PKNOX2: variants seen among roughly 807,000 people sequenced by gnomAD.
PKNOX2 encodes homeobox protein PKNOX2.
In PKNOX2, 14 loss-of-function variants were observed where a neutral mutation model predicts 53.1. That is an observed-to-expected ratio of 0.26 (90% CI 0.17 to 0.41). The LOEUF (loss-of-function observed/expected upper bound fraction) is 0.41, where lower values mean the gene tolerates loss of function less well. Among genes scored for constraint, PKNOX2 ranks in the 10% least tolerant of loss-of-function variants. The probability of loss-of-function intolerance (pLI) is 1.00; values close to 1 mark genes in which losing one functional copy is unlikely to be tolerated. For missense variants in PKNOX2, 496 were observed against 602.8 expected (o/e 0.82, Z 1.85); for synonymous variants, 257 against 242.8 (o/e 1.06, Z -0.54).
At chr11:125,169,698 A>G (rs556885367) in intron 1 of PKNOX2, among the ~76,000 whole-genome samples, 14 of 152,100 alleles carry the variant, frequency 9.2e-5, no homozygotes, top group Non-Finnish European at 1.3e-4. Context: ...CGCTCTGAGT[A>G]AAAAAAATGG....
chr11:125,247,144 T>A (rs1943623864), intron 2 of PKNOX2, among the ~76,000 whole-genome samples: 1 of 152,216 alleles, frequency 6.6e-6, no homozygotes, highest in Admixed American at 6.5e-5. Context: ...TTCTTTGGAA[T>A]TGGCAGATCC....
At chr11:125,313,066 G>A (rs1222658170) in intron 2 of PKNOX2, among the ~76,000 whole-genome samples, 1 of 152,168 alleles carries the variant, frequency 6.6e-6, no homozygotes. Flanking sequence ...AGGGAGCTTA[G>A]ACAGCAGGGA....
intron 10 of PKNOX2, among the ~76,000 whole-genome samples, chr11:125,416,729 G>A (rs564360984): frequency 6.6e-6 from 1 of 152,198 alleles, no homozygotes; most frequent in South Asian, 2.1e-4. Context: ...TACAGAAGAA[G>A]TGGAAACAGC....
At chr11:125,223,380 C>T (rs1331042959) in intron 1 of PKNOX2, among the ~76,000 whole-genome samples, 1 of 152,168 alleles carries the variant, frequency 6.6e-6, no homozygotes, top group Non-Finnish European at 1.5e-5. Context: ...CAGGCACCCG[C>T]CACCATGCCC....
At chr11:125,337,165 T>C (rs961771909) in intron 3 of PKNOX2, among the ~76,000 whole-genome samples, 1 of 152,160 alleles carries the variant, frequency 6.6e-6, no homozygotes, top group African/African-American at 2.4e-5. Flanking sequence ...TTAAAACCAC[T>C]GTGGGCATGG....
At chr11:125,226,763 GT>G (rs961256621) in intron 1 of PKNOX2, among the ~76,000 whole-genome samples, 118 of 144,854 alleles carry the variant, frequency 8.1e-4, no homozygotes, top group East Asian at 2.4e-3. Flanking sequence ...CCCTCACCAG[GT>G]TTTTTTTTTT....
chr11:125,334,193 C>G (rs977265453), intron 3 of PKNOX2, among the ~76,000 whole-genome samples: 1 of 152,178 alleles, frequency 6.6e-6, no homozygotes, highest in African/African-American at 2.4e-5. Flanking sequence ...ATGCTAGGTC[C>G]TAGCCCATCT....
intron 5 of PKNOX2, among the ~76,000 whole-genome samples, chr11:125,381,659 C>A (rs1330632996): frequency 6.6e-6 from 1 of 152,118 alleles, no homozygotes; most frequent in Non-Finnish European, 1.5e-5. Context: ...CCCACCCCAT[C>A]CCTGCAAGCC....
intron 1 of PKNOX2, among the ~76,000 whole-genome samples, chr11:125,220,423 T>A (rs536738444): frequency 3.0e-4 from 46 of 152,268 alleles, no homozygotes; most frequent in African/African-American, 1.1e-3. Flanking sequence ...ACAGAAGGGA[T>A]AGATTTGAGA....
chr11:125,412,081 A>G (rs1036640883), intron 10 of PKNOX2, among the ~76,000 whole-genome samples: 3 of 152,206 alleles, frequency 2.0e-5, no homozygotes, highest in African/African-American at 4.8e-5. Flanking sequence ...TGCTGTTGCT[A>G]TCTGGAAAAA....
chr11:125,356,602 G>A (rs1951631693), intron 4 of PKNOX2, among the ~76,000 whole-genome samples: 1 of 152,198 alleles, frequency 6.6e-6, no homozygotes, highest in Non-Finnish European at 1.5e-5. Flanking sequence ...CAGAGATCTG[G>A]GGTCAAGACA....
chr11:125,361,558 CTTTA>C (rs553895823), intron 4 of PKNOX2, among the ~76,000 whole-genome samples: 159 of 152,160 alleles, frequency 1.0e-3, no homozygotes, highest in African/African-American at 3.5e-3. Context: ...ATTTTTTTGA[CTTTA>C]TTTATTTATC....
chr11:125,359,943 C>T (rs1304697816), intron 4 of PKNOX2, among the ~76,000 whole-genome samples: 2 of 152,088 alleles, frequency 1.3e-5, no homozygotes, highest in African/African-American at 2.4e-5. Context: ...AGGCTGGTCT[C>T]GAACTCCCGA....
intron 1 of PKNOX2, among the ~76,000 whole-genome samples, chr11:125,210,429 T>G (rs1036212360): frequency 6.6e-6 from 1 of 152,166 alleles, no homozygotes; most frequent in African/African-American, 2.4e-5. Flanking sequence ...CCTTGAAGCT[T>G]CCTGCTCTTC....
intron 1 of PKNOX2, among the ~76,000 whole-genome samples, chr11:125,220,006 C>G (rs1225973741): frequency 6.6e-6 from 1 of 152,126 alleles, no homozygotes; most frequent in Non-Finnish European, 1.5e-5. Flanking sequence ...AAATATCCAT[C>G]AATTGAAGAC....
At chr11:125,409,603 C>CTGCT (rs1273993882) in intron 7 of PKNOX2, among the ~76,000 whole-genome samples, 1 of 152,110 alleles carries the variant, frequency 6.6e-6, no homozygotes, top group African/African-American at 2.4e-5. Flanking sequence ...GAGCTGGAGG[C>CTGCT]TGCTCTGTGT....
intron 1 of PKNOX2, among the ~76,000 whole-genome samples, chr11:125,196,024 T>A (rs1937644364): frequency 6.6e-6 from 1 of 152,102 alleles, no homozygotes; most frequent in South Asian, 2.1e-4. Context: ...GGCCTCTGGG[T>A]CTGCTTGGGA....
chr11:125,286,832 T>A (rs1225853798), intron 2 of PKNOX2, among the ~76,000 whole-genome samples: 1 of 152,158 alleles, frequency 6.6e-6, no homozygotes, highest in Admixed American at 6.5e-5. Context: ...TTGGCCAGAG[T>A]CTCCCAGGCC....
rs141886940 is a variant in PKNOX2 at position 125,196,638 on chromosome 11, G to A, written c.-201+31862G>A. 2.1e-3 allele frequency among the ~76,000 whole-genome samples: 316 copies of A among 152,342 alleles called. 7 individuals are homozygous for A. The highest frequency in any genetic ancestry group is 0.016 in the Admixed American group (247 of 15,306). Reference sequence around the variant, plus strand: ...TGAAGCCAAACCTGGGTCAAACCCTGCTCCAATTTCACCTGTGGCCTTGGG... The same window carrying A: ...TGAAGCCAAACCTGGGTCAAACCCTACTCCAATTTCACCTGTGGCCTTGGG... On this transcript the variant is annotated intron_variant, in intron 1 of 12. Coordinates refer to ENST00000298282, the MANE Select transcript of PKNOX2 (RefSeq NM_001382323.2).
Sources: gnomAD v4.1 joint callset for allele counts (sites outside exome capture counted in the v4.1 genomes callset) on GRCh38, gnomAD v4.1.1 for gene constraint, MANE v1.5 for transcripts, NCBI Gene and HGNC (gene_info 2026-07-23, HGNC 2026-07-21) for gene names.